Variants in LRRC4C observed in about 807,000 individuals in gnomAD.
LRRC4C encodes the protein leucine rich repeat containing 4C, also known as leucine-rich repeat-containing protein 4C.
LRRC4C carries 5 observed loss-of-function variants against 33.6 expected under a neutral mutation model. The ratio of observed to expected loss-of-function variants is 0.15; its 90% CI spans 0.08 to 0.31. The LOEUF is 0.31. Among genes scored for constraint, LRRC4C ranks in the 10% least tolerant of loss-of-function variants. The probability of loss-of-function intolerance (pLI) is 1.00; values close to 1 mark genes in which losing one functional copy is unlikely to be tolerated. For synonymous variants in LRRC4C, 329 were observed against 302.0 expected (o/e 1.09, Z -0.93); for missense variants, 560 against 796.7 (o/e 0.70, Z 3.58).
chr11:40,536,249 A>G (rs1591034548), intron 3 of LRRC4C, among the ~76,000 whole-genome samples: 1 of 152,024 alleles, frequency 6.6e-6, no homozygotes, highest in East Asian at 1.9e-4. Context: ...GCTGGAATGC[A>G]GTGGTGTGAT....
intron 1 of LRRC4C, among the ~76,000 whole-genome samples, chr11:41,445,003 A>G (rs1955774679): frequency 1.3e-5 from 2 of 151,780 alleles, no homozygotes; most frequent in Non-Finnish European, 2.9e-5. Flanking sequence ...GGGTTTCTTC[A>G]TGTTGGCCAG....
intron 2 of LRRC4C, among the ~76,000 whole-genome samples, chr11:40,801,187 A>G (rs1003311203): frequency 6.6e-6 from 1 of 152,180 alleles, no homozygotes; most frequent in Non-Finnish European, 1.5e-5. Context: ...TATTAAAATT[A>G]CTTATTTATA....
chr11:40,330,338 A>G (rs1409076445), intron 3 of LRRC4C, among the ~76,000 whole-genome samples: 1 of 152,186 alleles, frequency 6.6e-6, no homozygotes, highest in Non-Finnish European at 1.5e-5. Flanking sequence ...ATTTTTAATT[A>G]ACATATAATA....
At chr11:41,410,607 A>AT (rs1276764643) in intron 1 of LRRC4C, among the ~76,000 whole-genome samples, 22 of 151,552 alleles carry the variant, frequency 1.5e-4, no homozygotes, top group Non-Finnish European at 2.5e-4. Context: ...CGCCCAGCTA[A>AT]TTTTTTGTAT....
Position 40,969,018 on chromosome 11 carries a change from G to T in LRRC4C, c.-495-35295C>A, listed in dbSNP as rs112893810. Among the ~76,000 whole-genome samples, 100 of 152,172 alleles carry T rather than the reference G, an allele frequency of 6.6e-4. 1 individual carries two copies. The highest frequency in any genetic ancestry group is 2.3e-3 in the African/African-American group (95 of 41,540). ...TTGGGAGAGCACACTGAAAATCTTC[G>T]GGAAAGTACTCAGCATTCCAGATGC... is the stretch of plus-strand genomic sequence containing the variant. On this transcript the variant is annotated intron_variant, in intron 1 of 6. Transcript: ENST00000528697.
chr11:40,766,353 TAAAAAAAAAAAAAAAA>T (rs60152534), intron 2 of LRRC4C, among the ~76,000 whole-genome samples: 1 of 33,902 alleles, frequency 2.9e-5, no homozygotes, highest in Non-Finnish European at 5.3e-5. Context: ...TTCAGTCTGT[TAAAAAAAAAAAAAAAA>T]AAAAAAAAAA....
At chr11:40,389,490 A>C (rs1273818254) in intron 3 of LRRC4C, among the ~76,000 whole-genome samples, 1 of 152,078 alleles carries the variant, frequency 6.6e-6, no homozygotes, top group Non-Finnish European at 1.5e-5. Context: ...ATAATCAAAA[A>C]ACCATTATTT....
At position 40,399,526 on chromosome 11, in the gene LRRC4C, A is replaced by C. The variant is rs1303031019; in HGVS notation, c.-269-79805T>G. On this transcript the variant is annotated intron_variant, in intron 3 of 6. Transcript: ENST00000528697. The stretch of plus-strand genomic sequence containing the variant: ...GGAAGGGGAACATCACACTCCGGGG[A>C]CTGTTGTGGGGTGGGAGGAGGGGGG... Among the ~76,000 whole-genome samples, 6 of 151,768 alleles carry C rather than the reference A, an allele frequency of 4.0e-5. 1 individual carries two copies. The highest frequency in any genetic ancestry group is 1.5e-4 in the African/African-American group (6 of 41,378).
chr11:40,828,599 T>C (rs1405961629), intron 2 of LRRC4C, among the ~76,000 whole-genome samples: 1 of 151,908 alleles, frequency 6.6e-6, no homozygotes, highest in African/African-American at 2.4e-5. Flanking sequence ...TTCATACAAA[T>C]GTGTCCTACC....
At chr11:41,145,857 G>A (rs1943707595) in intron 1 of LRRC4C, among the ~76,000 whole-genome samples, 1 of 152,000 alleles carries the variant, frequency 6.6e-6, no homozygotes, top group South Asian at 2.1e-4. Flanking sequence ...TAGTTTCCAC[G>A]GTGATTTTGT....
At chr11:40,159,578 T>A (rs914903599) in intron 5 of LRRC4C, among the ~76,000 whole-genome samples, 1 of 152,142 alleles carries the variant, frequency 6.6e-6, no homozygotes, top group Non-Finnish European at 1.5e-5. Context: ...GAAAATCCCA[T>A]TGCATAGTAT....
chr11:40,117,289 C>G (rs1437334541), intron 6 of LRRC4C, among the ~76,000 whole-genome samples: 3 of 152,110 alleles, frequency 2.0e-5, no homozygotes, highest in Non-Finnish European at 2.9e-5. Flanking sequence ...ATTTATGGTA[C>G]CTGTGAAGAT....
intron 3 of LRRC4C, among the ~76,000 whole-genome samples, chr11:40,381,804 C>G (rs1431022606): frequency 6.6e-6 from 1 of 151,946 alleles, no homozygotes; most frequent in Non-Finnish European, 1.5e-5. Context: ...GGGACGCTGG[C>G]TGAAGGTATC....
intron 1 of LRRC4C, among the ~76,000 whole-genome samples, chr11:41,039,994 C>T (rs531808447): frequency 3.3e-5 from 5 of 151,720 alleles, no homozygotes; most frequent in South Asian, 4.2e-4. Flanking sequence ...AAAAATTAGC[C>T]GGGCGTGGTG....
chr11:40,917,055 A>C (rs577470332), intron 2 of LRRC4C, among the ~76,000 whole-genome samples: 48 of 152,296 alleles, frequency 3.2e-4, no homozygotes, highest in African/African-American at 1.0e-3. Context: ...TCACAAACTT[A>C]GTGACTCATC....
At chr11:40,534,491 T>C (rs1410385916) in intron 3 of LRRC4C, among the ~76,000 whole-genome samples, 1 of 152,188 alleles carries the variant, frequency 6.6e-6, no homozygotes, top group Non-Finnish European at 1.5e-5. Context: ...GCCTGCTTTC[T>C]AGCTGTGTGG....
chr11:41,084,532 C>T (rs908426887), intron 1 of LRRC4C, among the ~76,000 whole-genome samples: 7 of 152,138 alleles, frequency 4.6e-5, no homozygotes, highest in African/African-American at 1.2e-4. Context: ...AAATTATCTC[C>T]TAATTTGCTT....
intron 2 of LRRC4C, among the ~76,000 whole-genome samples, chr11:40,933,172 G>A (rs1957707752): frequency 6.6e-6 from 1 of 152,208 alleles, no homozygotes; most frequent in Non-Finnish European, 1.5e-5. Context: ...GAGTCAGAAA[G>A]TGGAATAAGT....
At chr11:41,266,283 T>A (rs1044494886) in intron 1 of LRRC4C, among the ~76,000 whole-genome samples, 3 of 152,078 alleles carry the variant, frequency 2.0e-5, no homozygotes, top group Admixed American at 2.0e-4. Context: ...ACTTTACAAC[T>A]TTGCAGAGAT....
Sources: gnomAD v4.1 joint callset for allele counts (sites outside exome capture counted in the v4.1 genomes callset) on GRCh38, gnomAD v4.1.1 for gene constraint, MANE v1.5 for transcripts, NCBI Gene and HGNC (gene_info 2026-07-23, HGNC 2026-07-21) for gene names.